The following CLOCK variants were observed in gnomAD, a reference collection of about 807,000 sequenced individuals.
CLOCK encodes clock circadian regulator.
A neutral mutation model predicts 118.4 loss-of-function variants in CLOCK; 43 were observed. The ratio of observed to expected loss-of-function variants is 0.36; its 90% CI spans 0.28 to 0.47. The LOEUF (loss-of-function observed/expected upper bound fraction) is 0.47. CLOCK is among the 20% of genes least tolerant of loss of function. The pLI is 1.00. For missense variants in CLOCK, 846 were observed against 999.9 expected (o/e 0.85, Z 2.08); for synonymous variants, 326 against 339.2 (o/e 0.96, Z 0.43).
At chr4:55,492,004 A>T (rs1727732714) in intron 2 of CLOCK, among the ~76,000 whole-genome samples, 1 of 152,162 alleles carries the variant, frequency 6.6e-6, no homozygotes, top group Admixed American at 6.5e-5. Context: ...TCCCCCTCAA[A>T]TGCTTCCAAC....
intron 18 of CLOCK, among the ~76,000 whole-genome samples, chr4:55,447,118 G>A (rs28409498): frequency 0.034 from 5,113 of 151,740 alleles, 100 homozygotes; most frequent in Non-Finnish European, 0.054. Context: ...TGTAATCCCA[G>A]GACTTTGGGA....
At chr4:55,438,986 AAAG>A (rs1234804382) in intron 21 of CLOCK, among the ~76,000 whole-genome samples, 1 of 152,262 alleles carries the variant, frequency 6.6e-6, no homozygotes, top group Non-Finnish European at 1.5e-5. Context: ...ACAGGCAACA[AAAG>A]AACAGATAAA....
At chr4:55,544,175 C>T (rs947184147) in intron 1 of CLOCK, among the ~76,000 whole-genome samples, 1 of 150,996 alleles carries the variant, frequency 6.6e-6, no homozygotes, top group Non-Finnish European at 1.5e-5. Flanking sequence ...GACACACACA[C>T]ACACACACAC....
Position 55,431,063 on chromosome 4 carries a change from AC to A in CLOCK, c.*4351del, listed in dbSNP as rs1235898121. The A allele has an allele frequency of 7.9e-5, 12 of 152,234 alleles. No individual in the cohort carries two copies. The highest frequency in any genetic ancestry group is 1.6e-4 in the Non-Finnish European group (11 of 68,038). The allele number at this position is 152,234 out of a possible 1,614,324, so 9.4% of individuals were successfully genotyped here. A position where few individuals can be genotyped will look rare whatever the true frequency, so the allele number is the denominator to read the frequency against. On this transcript the variant is annotated 3_prime_UTR_variant, in exon 23 of 23. Coordinates refer to ENST00000513440, the MANE Select transcript of CLOCK (RefSeq NM_004898.4). ...TTTGGGGATCCTTTAGAAATGGTTA[AC>A]GCCTAAGAATAAACTTTATCAAAAT...
At chr4:55,490,519 G>A (rs1727599375) in intron 2 of CLOCK, among the ~76,000 whole-genome samples, 1 of 152,032 alleles carries the variant, frequency 6.6e-6, no homozygotes, top group South Asian at 2.1e-4. Flanking sequence ...GTCATCCTTT[G>A]TTATCTGACA....
chr4:55,522,470 A>G (rs1209619622), intron 1 of CLOCK, among the ~76,000 whole-genome samples: 2 of 152,046 alleles, frequency 1.3e-5, no homozygotes, highest in African/African-American at 4.8e-5. Context: ...AAAGATAAAC[A>G]AAAGATGCCA....
intron 1 of CLOCK, among the ~76,000 whole-genome samples, chr4:55,524,043 C>T (rs370029459): frequency 3.8e-4 from 58 of 152,132 alleles, no homozygotes; most frequent in African/African-American, 1.3e-3. Flanking sequence ...CCATAAAAGA[C>T]GTAAGAACAC....
At chr4:55,461,022 C>G (rs1427943180) in intron 9 of CLOCK, among the ~76,000 whole-genome samples, 1 of 151,934 alleles carries the variant, frequency 6.6e-6, no homozygotes. Context: ...CTCCTGGGCT[C>G]AAGTGATCCT....
chr4:55,463,926 A>C, intron 8 of CLOCK, 121 bp from the exon 9 acceptor site: 2 of 981,932 alleles, frequency 2.0e-6, no homozygotes, highest in Non-Finnish European at 1.5e-6. Context: ...AAACCAACAA[A>C]TGTCAAGTTA....
At chr4:55,471,422 A>C (rs2109858198) in intron 7 of CLOCK, among the ~76,000 whole-genome samples, 1 of 152,328 alleles carries the variant, frequency 6.6e-6, no homozygotes, top group South Asian at 2.1e-4. Flanking sequence ...AGTAGTGTGG[A>C]AGCAGGGTGT....
At chr4:55,512,004 A>G (rs1241930312) in intron 1 of CLOCK, among the ~76,000 whole-genome samples, 1 of 151,836 alleles carries the variant, frequency 6.6e-6, no homozygotes, top group African/African-American at 2.4e-5. Context: ...ATCCGCTCAC[A>G]TAATGAAAGA....
At chr4:55,446,824 A>G (rs932040672) in intron 18 of CLOCK, among the ~76,000 whole-genome samples, 1 of 152,204 alleles carries the variant, frequency 6.6e-6, no homozygotes, top group African/African-American at 2.4e-5. Flanking sequence ...TCTGTCTTAA[A>G]GTAGCCTCTT....
intron 1 of CLOCK, among the ~76,000 whole-genome samples, chr4:55,539,221 C>T (rs1425667529): frequency 1.4e-5 from 2 of 144,696 alleles, no homozygotes; most frequent in Non-Finnish European, 1.5e-5. Context: ...AGCAACAGAA[C>T]GAGACTGTCT....
chr4:55,535,597 A>G (rs1392363288), intron 1 of CLOCK, among the ~76,000 whole-genome samples: 1 of 152,176 alleles, frequency 6.6e-6, no homozygotes, highest in Non-Finnish European at 1.5e-5. Context: ...CTTAGGTAAA[A>G]TGAACTAGTT....
chr4:55,545,002 C>A (rs893867610), intron 1 of CLOCK, among the ~76,000 whole-genome samples: 3 of 151,780 alleles, frequency 2.0e-5, no homozygotes, highest in African/African-American at 7.3e-5. Context: ...TTTTTCATAA[C>A]TGATTACGCC....
intron 1 of CLOCK, among the ~76,000 whole-genome samples, chr4:55,524,418 C>CA (rs910150483): frequency 2.9e-4 from 42 of 146,686 alleles, no homozygotes; most frequent in Non-Finnish European, 4.1e-4. Flanking sequence ...AAAACAAAAA[C>CA]AAAAAAAAAG....
At chr4:55,545,272 G>C (rs1731538656) in intron 1 of CLOCK, among the ~76,000 whole-genome samples, 1 of 152,038 alleles carries the variant, frequency 6.6e-6, no homozygotes, top group Admixed American at 6.6e-5. Flanking sequence ...CTTCCCCCAA[G>C]CTTTGAAAAC....
chr4:55,433,072 A>G lies in CLOCK; in HGVS notation c.*2343T>C, dbSNP rs1722627123. ...AAATCCGTATCACTAGGTATTGCCA[A>G]TAAATAAATGAGGCACAACTCAGAT... is the stretch of plus-strand genomic sequence containing the variant. On this transcript the variant is annotated 3_prime_UTR_variant, in exon 23 of 23. Transcript: ENST00000513440. The G allele has an allele frequency of 6.6e-6, 1 of 152,670 alleles. No homozygotes were observed. The highest frequency in any genetic ancestry group is 2.4e-5 in the African/African-American group (1 of 41,458). 9.5% of individuals were successfully genotyped at this position (152,670 alleles called of 1,614,324 possible).
intron 19 of CLOCK, among the ~76,000 whole-genome samples, 198 bp downstream of exon 19, chr4:55,444,434 GA>G (rs1723619676): frequency 6.6e-6 from 1 of 152,146 alleles, no homozygotes; most frequent in African/African-American, 2.4e-5. Context: ...CAAGGATGTT[GA>G]CAGAAATACC....
Sources: gnomAD v4.1 joint callset for allele counts (sites outside exome capture counted in the v4.1 genomes callset) on GRCh38, gnomAD v4.1.1 for gene constraint, MANE v1.5 for transcripts, NCBI Gene and HGNC (gene_info 2026-07-23, HGNC 2026-07-21) for gene names.